The following STPG2 variants were observed in gnomAD, a reference collection of about 807,000 sequenced individuals.
The protein encoded by STPG2 is sperm tail PG-rich repeat containing 2.
STPG2 carries 56 observed loss-of-function variants against 54.2 expected under a neutral mutation model. The observed-to-expected ratio is 1.03, with a 90% CI of 0.83 to 1.29. STPG2 has a LOEUF of 1.29. Ranked by LOEUF, STPG2 falls within the 50% of genes most tolerant of loss-of-function variation. The pLI is 0.00. For missense variants in STPG2, 596 were observed against 544.9 expected, an observed-to-expected ratio of 1.09 and a Z score of -0.93; for synonymous variants, 200 against 181.8, an observed-to-expected ratio of 1.10 and a Z score of -0.81.
chr4:97,593,755 T>A (rs1733207813), intron 10 of STPG2, among the ~76,000 whole-genome samples: 1 of 152,054 alleles, frequency 6.6e-6, no homozygotes, highest in South Asian at 2.1e-4. Context: ...GCACTACACA[T>A]CAGAGTGCTG....
intron 10 of STPG2, among the ~76,000 whole-genome samples, chr4:97,622,683 T>C (rs1444191049): frequency 6.6e-6 from 1 of 152,074 alleles, no homozygotes; most frequent in African/African-American, 2.4e-5. Context: ...CAAATGGCCA[T>C]ACCACCCAAA....
At chr4:97,833,294 G>T (rs1022056159) in intron 9 of STPG2, among the ~76,000 whole-genome samples, 8 of 152,122 alleles carry the variant, frequency 5.3e-5, no homozygotes, top group Non-Finnish European at 1.0e-4. Flanking sequence ...GGGAAAACTG[G>T]CTAGCCATAT....
chr4:97,486,653 A>G (rs543712204), intron 4 of STPG2, among the ~76,000 whole-genome samples: 2 of 151,850 alleles, frequency 1.3e-5, no homozygotes, highest in East Asian at 3.9e-4. Context: ...TGATCCAGCA[A>G]TCCCATGACT....
downstream of STPG2, among the ~76,000 whole-genome samples, chr4:97,555,403 G>C (rs1463775898): frequency 6.6e-6 from 1 of 151,876 alleles, no homozygotes; most frequent in Non-Finnish European, 1.5e-5. Context: ...TCCTATACTG[G>C]GTAATGTGAT....
At chr4:97,599,701 A>G (rs55991473) in intron 10 of STPG2, among the ~76,000 whole-genome samples, 20,002 of 151,516 alleles carry the variant, frequency 0.13, 4,077 homozygotes, top group African/African-American at 0.44. Flanking sequence ...GCGGGCACCC[A>G]TAGTCCCAGC....
chr4:97,445,102 G>A (rs915059245), intron 4 of STPG2, among the ~76,000 whole-genome samples: 40 of 152,132 alleles, frequency 2.6e-4, no homozygotes, highest in Non-Finnish European at 1.5e-4. Context: ...ATATAAAATT[G>A]AAAATGATAA....
intron 3 of STPG2, among the ~76,000 whole-genome samples, chr4:98,123,536 C>G (rs372271333): frequency 1.3e-5 from 2 of 152,034 alleles, no homozygotes; most frequent in Non-Finnish European, 2.9e-5. Flanking sequence ...ATTTTGATTA[C>G]GCTGTTGTCT....
intron 5 of STPG2, chr4:98,025,688 G>C (rs1283280395): frequency 1.7e-6 from 2 of 1,186,396 alleles, no homozygotes; most frequent in Non-Finnish European, 2.5e-6. Context: ...GTATTGTACT[G>C]GCCTCCTGCT....
chr4:97,552,409 C>T (rs1288609953), intron 4 of STPG2, among the ~76,000 whole-genome samples: 1 of 151,990 alleles, frequency 6.6e-6, no homozygotes, highest in Non-Finnish European at 1.5e-5. Context: ...ATTTATGGGA[C>T]AGTAAGTAAT....
Position 98,111,049 on chromosome 4 carries a change from G to A in STPG2, c.388-1744C>T, listed in dbSNP as rs1008491695. Among the ~76,000 whole-genome samples, 16 of 152,234 alleles carry A rather than the reference G, an allele frequency of 1.1e-4. No homozygotes were observed. In the East Asian group the frequency reaches 2.7e-3, roughly 26 times the overall value. On this transcript the variant is annotated intron_variant, in intron 3 of 10. Transcript: ENST00000295268. ...CAGAAACTTTAAGGACTTTCTGGAA[G>A]ATATAGCACAGCAAAGACTAGAACC...
intron 5 of STPG2, among the ~76,000 whole-genome samples, chr4:98,098,320 C>T (rs1168997212): frequency 6.6e-6 from 1 of 151,984 alleles, no homozygotes; most frequent in Non-Finnish European, 1.5e-5. Context: ...AAAACCCACA[C>T]ACCTATAGTG....
At chr4:98,111,023 C>T (rs1408008931) in intron 3 of STPG2, among the ~76,000 whole-genome samples, 1 of 152,036 alleles carries the variant, frequency 6.6e-6, no homozygotes, top group African/African-American at 2.4e-5. Flanking sequence ...ACTTCACATG[C>T]CAGAAACTTT....
At chr4:98,010,120 T>G (rs1398621130) in intron 5 of STPG2, among the ~76,000 whole-genome samples, 3 of 152,014 alleles carry the variant, frequency 2.0e-5, no homozygotes, top group Non-Finnish European at 2.9e-5. Flanking sequence ...CCCTCTGATC[T>G]CCATAATTTC....
chr4:97,731,349 T>C (rs972818776), intron 9 of STPG2, among the ~76,000 whole-genome samples: 4 of 152,122 alleles, frequency 2.6e-5, no homozygotes, highest in African/African-American at 9.7e-5. Flanking sequence ...GAATTTTTGT[T>C]CGGTGGCGTC....
chr4:97,825,639 A>G (rs1268029582), intron 9 of STPG2, among the ~76,000 whole-genome samples: 1 of 152,158 alleles, frequency 6.6e-6, no homozygotes, highest in Non-Finnish European at 1.5e-5. Context: ...GCTCCACTCT[A>G]AAGCCAGTAA....
intron 5 of STPG2, among the ~76,000 whole-genome samples, chr4:97,984,205 C>G (rs760740041): frequency 6.6e-6 from 1 of 152,120 alleles, no homozygotes; most frequent in African/African-American, 2.4e-5. Flanking sequence ...ATCACACAGG[C>G]GCAATCTCGA....
chr4:97,558,426 G>A (rs779871722), downstream of STPG2, among the ~76,000 whole-genome samples: 2 of 152,110 alleles, frequency 1.3e-5, no homozygotes, highest in Admixed American at 1.3e-4. Context: ...AGGTGAATAG[G>A]ATCTCACTTC....
In STPG2 at chr4:97,667,632, T is replaced by A. The variant is rs141971224; in HGVS notation, c.1320+45067A>T. ...GGCACAAAAAAACTCATATTGAGAT[T>A]TTTTTCAAACTCTTCCTTCCTTACA... On this transcript the variant is annotated intron_variant, in intron 10 of 10. Coordinates refer to ENST00000295268, the MANE Select transcript of STPG2 (RefSeq NM_174952.3). 1.8e-4 allele frequency among the ~76,000 whole-genome samples: 28 copies of A among 152,332 alleles called. No individual in the cohort carries two copies. In the East Asian group the frequency reaches 5.4e-3, roughly 29 times the overall value.
chr4:97,962,212 G>A (rs986558042), intron 7 of STPG2, among the ~76,000 whole-genome samples: 1 of 152,130 alleles, frequency 6.6e-6, no homozygotes, highest in African/African-American at 2.4e-5. Flanking sequence ...CAGGGGGAAT[G>A]GGTGGAAGGG....
Sources: gnomAD v4.1 joint callset for allele counts (sites outside exome capture counted in the v4.1 genomes callset) on GRCh38, gnomAD v4.1.1 for gene constraint, MANE v1.5 for transcripts, NCBI Gene and HGNC (gene_info 2026-07-23, HGNC 2026-07-21) for gene names.